LSAMP: variants seen among roughly 807,000 people sequenced by gnomAD.
LSAMP encodes limbic system associated membrane protein.
LSAMP carries 7 observed loss-of-function variants against 38.6 expected under a neutral mutation model. The ratio of observed to expected loss-of-function variants is 0.18; its 90% CI spans 0.10 to 0.34. The LOEUF (loss-of-function observed/expected upper bound fraction) is 0.34. Ranked by LOEUF, LSAMP falls within the 10% of genes least tolerant of loss-of-function variation. The pLI, the probability that LSAMP is intolerant of heterozygous loss-of-function variation, is 1.00. For synonymous variants in LSAMP, 154 were observed against 166.8 expected (o/e 0.92, Z 0.59); for missense variants, 313 against 420.0 (o/e 0.75, Z 2.23).
At chr3:116,271,591 GC>G (rs1243781518) in intron 1 of LSAMP, among the ~76,000 whole-genome samples, 2 of 152,036 alleles carry the variant, frequency 1.3e-5, no homozygotes, top group Non-Finnish European at 2.9e-5. Context: ...AACAGTTGGG[GC>G]CACATGCTTT....
At chr3:115,902,507 T>A (rs1936901499) in intron 3 of LSAMP, among the ~76,000 whole-genome samples, 1 of 48,508 alleles carries the variant, frequency 2.1e-5, no homozygotes, top group Non-Finnish European at 4.1e-5. Flanking sequence ...TGGATCTAAT[T>A]AAAGAGCTTC....
In LSAMP at chr3:116,079,772, A is replaced by T. The variant is rs569412624; in HGVS notation, c.388+6552T>A. 2.6e-5 allele frequency among the ~76,000 whole-genome samples: 4 copies of T among 152,182 alleles called. No individual in the cohort carries two copies. In the East Asian group the frequency reaches 7.7e-4, roughly 29 times the overall value. ...TACAGAAGAGTTTTGTCAAAAAAAA[A>T]GTTGCCTATTTGTAGCAAACTGAAA... On this transcript the variant is annotated intron_variant, in intron 2 of 6. Coordinates refer to ENST00000490035, the MANE Select transcript of LSAMP (RefSeq NM_002338.5).
chr3:116,444,550 C>T (rs2049479167), intron 1 of LSAMP, among the ~76,000 whole-genome samples: 1 of 152,044 alleles, frequency 6.6e-6, no homozygotes, highest in South Asian at 2.1e-4. Flanking sequence ...AGTGAGAATA[C>T]TGCCCAGAAG....
At chr3:115,897,047 A>G (rs931974678) in intron 3 of LSAMP, among the ~76,000 whole-genome samples, 4 of 152,050 alleles carry the variant, frequency 2.6e-5, no homozygotes, top group African/African-American at 4.8e-5. Context: ...AGGCTAGCTG[A>G]TGGGGAAGGA....
rs964701610 is a variant in LSAMP, at chr3:115,933,255, T to C, written c.515-80638A>G. On this transcript the variant is annotated intron_variant, in intron 3 of 6. Transcript: ENST00000490035. ...GCATTAGAAAAACGTTACTCTACAGTGGTGATTTTGAATGGTTCAAGAGGG... is the reference window on the plus strand; with the variant it reads ...GCATTAGAAAAACGTTACTCTACAGCGGTGATTTTGAATGGTTCAAGAGGG... 3.9e-5 allele frequency among the ~76,000 whole-genome samples: 6 copies of C among 152,020 alleles called. No individual in the cohort carries two copies. The East Asian group carries it at 9.7e-4, about 24-fold the overall frequency.
chr3:116,435,602 C>T (rs1483449594), intron 1 of LSAMP, among the ~76,000 whole-genome samples: 2 of 152,170 alleles, frequency 1.3e-5, no homozygotes, highest in African/African-American at 2.4e-5. Context: ...GCTTTTTGCA[C>T]ACTGTCTTCA....
chr3:116,146,776 T>G (rs971942822), intron 1 of LSAMP, among the ~76,000 whole-genome samples: 5 of 151,870 alleles, frequency 3.3e-5, no homozygotes, highest in African/African-American at 1.2e-4. Flanking sequence ...TCTGTGTGGT[T>G]CAAGGAAACA....
intron 1 of LSAMP, among the ~76,000 whole-genome samples, chr3:116,388,734 C>G (rs2048656154): frequency 6.6e-6 from 1 of 152,092 alleles, no homozygotes; most frequent in Admixed American, 6.5e-5. Context: ...GAAGATAATG[C>G]CAAAGTAATC....
chr3:116,159,526 G>C (rs1344699634), intron 1 of LSAMP, among the ~76,000 whole-genome samples: 2 of 152,110 alleles, frequency 1.3e-5, no homozygotes, highest in African/African-American at 4.8e-5. Context: ...GATCATTAGA[G>C]AAATGTAAAT....
chr3:115,875,181 C>G (rs1936149803), intron 3 of LSAMP, among the ~76,000 whole-genome samples: 1 of 152,126 alleles, frequency 6.6e-6, no homozygotes, highest in South Asian at 2.1e-4. Flanking sequence ...ATATTTTCCT[C>G]AGAAGAGATG....
At chr3:115,970,304 A>G (rs1938972542) in intron 3 of LSAMP, among the ~76,000 whole-genome samples, 2 of 152,252 alleles carry the variant, frequency 1.3e-5, no homozygotes, top group Non-Finnish European at 2.9e-5. Context: ...TTTCAAGTCC[A>G]CAGAGCGAAC....
chr3:115,810,241 C>CTG lies in LSAMP; in HGVS notation c.*75_*76insCA, dbSNP rs56389239. 0.064 allele frequency: 49,531 copies of CTG among 775,232 alleles called. 1,018 individuals carry two copies. The highest frequency in any genetic ancestry group is 0.18 in the African/African-American group (10,234 of 55,928). 48.0% of individuals were successfully genotyped at this position (775,232 alleles called of 1,614,324 possible). ...CCCCCATCTCTCTCTCTCTCTCTCTCTCTGTCTCTCTCTCTCTGTATTCTG... is the reference window on the plus strand; with the variant it reads ...CCCCCATCTCTCTCTCTCTCTCTCTCTGTCTGTCTCTCTCTCTCTGTATTCTG... On this transcript the variant is annotated 3_prime_UTR_variant, in exon 7 of 7. Coordinates refer to ENST00000490035, the MANE Select transcript of LSAMP (RefSeq NM_002338.5).
At chr3:116,247,396 T>C (rs1187155116) in intron 1 of LSAMP, among the ~76,000 whole-genome samples, 1 of 152,184 alleles carries the variant, frequency 6.6e-6, no homozygotes, top group Non-Finnish European at 1.5e-5. Context: ...ATAAAGAAAA[T>C]TGCTATATAG....
chr3:116,435,538 C>G (rs2049338489), intron 1 of LSAMP, among the ~76,000 whole-genome samples: 1 of 152,156 alleles, frequency 6.6e-6, no homozygotes, highest in Non-Finnish European at 1.5e-5. Context: ...CAGAAAACCT[C>G]AAGAGATCTT....
intron 1 of LSAMP, among the ~76,000 whole-genome samples, chr3:116,178,237 G>A (rs896285382): frequency 3.9e-5 from 6 of 152,130 alleles, no homozygotes; most frequent in Non-Finnish European, 8.8e-5. Context: ...CACAATCTCA[G>A]CTTACTGCAA....
intron 3 of LSAMP, among the ~76,000 whole-genome samples, chr3:115,998,867 CCTTA>C (rs1161984235): frequency 6.6e-6 from 1 of 151,990 alleles, no homozygotes. Context: ...CTCTTAGGGT[CCTTA>C]CTTAAGAGAG....
At chr3:115,821,693 G>C (rs988913832) in intron 6 of LSAMP, among the ~76,000 whole-genome samples, 2 of 152,306 alleles carry the variant, frequency 1.3e-5, no homozygotes, top group East Asian at 3.9e-4. Context: ...GTTTGCAGAA[G>C]TGGGACAGGA....
intron 3 of LSAMP, among the ~76,000 whole-genome samples, chr3:115,940,904 T>C (rs896638292): frequency 6.6e-6 from 1 of 152,202 alleles, no homozygotes; most frequent in African/African-American, 2.4e-5. Flanking sequence ...TCAAGATCAC[T>C]TTGGCTATTC....
chr3:116,393,755 T>A (rs942452016), intron 1 of LSAMP, among the ~76,000 whole-genome samples: 1 of 152,218 alleles, frequency 6.6e-6, no homozygotes, highest in African/African-American at 2.4e-5. Flanking sequence ...AGATGTGAGC[T>A]ATTAAAGTAA....
Sources: allele counts gnomAD v4.1 joint callset (sites outside exome capture counted in the v4.1 genomes callset), GRCh38; gene constraint gnomAD v4.1.1; transcripts MANE v1.5; gene names NCBI Gene and HGNC (gene_info 2026-07-23, HGNC 2026-07-21).